Variants in SPRED1 observed in about 807,000 individuals in gnomAD.
The protein encoded by SPRED1 is sprouty-related, EVH1 domain-containing protein 1.
Under a neutral mutation model 52.3 loss-of-function variants are expected in SPRED1, and 18 were observed. The observed-to-expected ratio is 0.34, with a 90% CI of 0.24 to 0.51. The LOEUF (loss-of-function observed/expected upper bound fraction) is 0.51, where lower values mean the gene tolerates loss of function less well. SPRED1 is among the 20% of genes least tolerant of loss of function. The pLI is 0.97. For synonymous variants in SPRED1, 155 were observed against 179.7 expected, an observed-to-expected ratio of 0.86 and a Z score of 1.10; for missense variants, 485 against 551.0, an observed-to-expected ratio of 0.88 and a Z score of 1.20.
At chr15:38,318,684 T>C (rs1895539224) in intron 2 of SPRED1, among the ~76,000 whole-genome samples, 1 of 152,178 alleles carries the variant, frequency 6.6e-6, no homozygotes, top group Non-Finnish European at 1.5e-5. Context: ...GAACATGTGG[T>C]GTTTGGCTTT....
At chr15:38,276,439 AATG>A (rs1333799716) in intron 1 of SPRED1, among the ~76,000 whole-genome samples, 1 of 152,134 alleles carries the variant, frequency 6.6e-6, no homozygotes, top group Non-Finnish European at 1.5e-5. Context: ...ACACCCGTTA[AATG>A]ATATTGTTTC....
intron 2 of SPRED1, among the ~76,000 whole-genome samples, chr15:38,312,439 A>T (rs1233955453): frequency 6.6e-6 from 1 of 152,124 alleles, no homozygotes; most frequent in Non-Finnish European, 1.5e-5. Flanking sequence ...TAGTGTGCCT[A>T]CCAGGAGTCA....
intron 1 of SPRED1, among the ~76,000 whole-genome samples, chr15:38,255,074 A>G (rs1894065298): frequency 6.6e-6 from 1 of 152,234 alleles, no homozygotes; most frequent in African/African-American, 2.4e-5. Flanking sequence ...ATGTGAATTA[A>G]CACAAGTAAA....
chr15:38,351,055 G>A lies in SPRED1; in HGVS notation c.726G>A (p.Glu242=). 1.2e-6 allele frequency: 2 copies of A among 1,613,768 alleles called. No individual in the cohort carries two copies. The highest frequency in any genetic ancestry group is 1.1e-5 in the South Asian group (1 of 91,064). ...KSIRHVSFQD[E]DEIVRINPRD... ...TCAGACATGTCAGCTTTCAAGATGAGGATGAGATTGTCAGAATAAACCCTC... is the reference window on the plus strand; with the variant it reads ...TCAGACATGTCAGCTTTCAAGATGAAGATGAGATTGTCAGAATAAACCCTC... Residue 242 remains glutamate, a synonymous_variant, in exon 7 of 7, where the codon GAG becomes GAA. Transcript: ENST00000299084.
intron 1 of SPRED1, among the ~76,000 whole-genome samples, chr15:38,263,721 T>C (rs568313420): frequency 6.6e-6 from 1 of 152,242 alleles, no homozygotes; most frequent in East Asian, 1.9e-4. Flanking sequence ...AGGTTGAGGG[T>C]GTCCAATCTT....
intron 1 of SPRED1, among the ~76,000 whole-genome samples, chr15:38,254,759 A>G (rs942599088): frequency 4.6e-5 from 7 of 152,230 alleles, no homozygotes; most frequent in Admixed American, 3.3e-4. Flanking sequence ...CTCCATTCAT[A>G]AAATACCTGG....
At position 38,339,750 on chromosome 15, in the gene SPRED1, A is replaced by G; in HGVS notation, c.437A>G (p.Asp146Gly). 6.2e-7 allele frequency: 1 copy of G among 1,613,838 alleles called. No homozygotes were observed. Among genetic ancestry groups the G allele is most frequent in the Non-Finnish European group, 8.5e-7 (1 of 1,179,864 alleles). ...TGTTCCCAATAGGCAAATGAAGAGG[A>G]TTCTTCCAGTTCTCTAGTGAAGGAT... ...GADDLQANEE[D>G]SSSSLVKDHL... Residue 146 changes from aspartate (D) to glycine (G), a missense_variant, in exon 5 of 7, where the codon GAT (aspartate) becomes GGT (glycine). Coordinates refer to ENST00000299084, the MANE Select transcript of SPRED1 (RefSeq NM_152594.3).
chr15:38,324,795 G>A lies in SPRED1; in HGVS notation c.409G>A (p.Ala137Thr). Reference sequence around the variant, plus strand: ...CGAATCAAAAAATGAAGCTGAAGGGGCAGATGACTTACAAGTAAGTAATGG... The same window carrying A: ...CGAATCAAAAAATGAAGCTGAAGGGACAGATGACTTACAAGTAAGTAATGG... ...CPESKNEAEG[A>T]DDLQANEEDS... Residue 137 changes from alanine (A) to threonine (T), a missense_variant, in exon 4 of 7, where the codon GCA (alanine) becomes ACA (threonine). Ala to Thr is a moderately conservative substitution (Grantham distance 58). This residue lies in a region of SPRED1 where 232 missense variants were observed against 231.8 expected (regional missense o/e 1.00). Transcript: ENST00000299084. 4 of 1,611,792 alleles carry A rather than the reference G, an allele frequency of 2.5e-6. No homozygotes were observed. The highest frequency in any genetic ancestry group is 3.4e-6 in the Non-Finnish European group (4 of 1,178,984).
chr15:38,267,653 C>A (rs990811052), intron 1 of SPRED1, among the ~76,000 whole-genome samples: 1 of 152,172 alleles, frequency 6.6e-6, no homozygotes, highest in Admixed American at 6.5e-5. Context: ...TCATTTCATG[C>A]ATTTAGTCTT....
intron 1 of SPRED1, among the ~76,000 whole-genome samples, chr15:38,260,203 G>A (rs1894179271): frequency 6.6e-6 from 1 of 152,200 alleles, no homozygotes; most frequent in Non-Finnish European, 1.5e-5. Context: ...AAAGTTGGCA[G>A]GGCCATGTTC....
At chr15:38,279,889 CAAA>C (rs1193423523) in intron 1 of SPRED1, among the ~76,000 whole-genome samples, 3 of 152,102 alleles carry the variant, frequency 2.0e-5, no homozygotes, top group South Asian at 2.1e-4. Context: ...TTCATGGAAT[CAAA>C]GAAGTTTGGA....
At chr15:38,341,145 T>A (rs4924234) in intron 5 of SPRED1, among the ~76,000 whole-genome samples, 125,100 of 151,868 alleles carry the variant, frequency 0.82, 52,326 homozygotes, top group Non-Finnish European at 0.9. Flanking sequence ...GATTTTCAAG[T>A]TCATTGGCAT....
intron 1 of SPRED1, among the ~76,000 whole-genome samples, chr15:38,272,595 A>G (rs996070030): frequency 2.0e-5 from 3 of 152,122 alleles, no homozygotes; most frequent in Non-Finnish European, 4.4e-5. Context: ...GTTTTAAGTT[A>G]TTTGAGAAAT....
chr15:38,310,115 TTG>T (rs767218956), intron 2 of SPRED1, among the ~76,000 whole-genome samples: 8 of 23,178 alleles, frequency 3.5e-4, no homozygotes, highest in African/African-American at 8.5e-4. Flanking sequence ...AGACTATTCT[TTG>T]TGTGTGTGTG....
intron 1 of SPRED1, among the ~76,000 whole-genome samples, chr15:38,290,638 C>A (rs879580934): frequency 3.9e-5 from 6 of 151,922 alleles, no homozygotes; most frequent in Admixed American, 6.6e-5. Context: ...AGAGTCATGG[C>A]GGGAGGCGAA....
intron 2 of SPRED1, among the ~76,000 whole-genome samples, chr15:38,316,676 G>T: frequency 6.8e-6 from 1 of 147,878 alleles, no homozygotes; most frequent in Non-Finnish European, 1.5e-5. Context: ...TTTTCTTCAT[G>T]CAATCAGTAT....
intron 1 of SPRED1, among the ~76,000 whole-genome samples, chr15:38,259,434 TGTG>T (rs1329924146): frequency 4.4e-4 from 67 of 152,258 alleles, no homozygotes; most frequent in African/African-American, 1.6e-3. Flanking sequence ...TAAAATTTTT[TGTG>T]GTGATCGGGT....
chr15:38,265,546 T>C (rs917494486), intron 1 of SPRED1, among the ~76,000 whole-genome samples: 7 of 152,178 alleles, frequency 4.6e-5, no homozygotes, highest in Admixed American at 6.5e-5. Flanking sequence ...TTTTCTTCCA[T>C]GTTCTGGGCA....
At chr15:38,259,140 C>G (rs377342754) in intron 1 of SPRED1, among the ~76,000 whole-genome samples, 7 of 152,092 alleles carry the variant, frequency 4.6e-5, no homozygotes, top group Non-Finnish European at 1.0e-4. Context: ...AATTAAGATA[C>G]AAAATTTGGA....
Sources: gnomAD v4.1 joint callset for allele counts (sites outside exome capture counted in the v4.1 genomes callset) on GRCh38, gnomAD v4.1.1 for gene constraint, gnomAD v4.1.1 regional missense constraint, MANE v1.5 for transcripts, NCBI Gene and HGNC (gene_info 2026-07-23, HGNC 2026-07-21) for gene names.